DMD: variants seen among roughly 807,000 people sequenced by gnomAD.
The protein encoded by DMD is mutant dystrophin.
Under a neutral mutation model 330.1 loss-of-function variants are expected in DMD, and 63 were observed. The observed-to-expected ratio is 0.19, with a 90% CI of 0.16 to 0.24. The LOEUF (loss-of-function observed/expected upper bound fraction) is 0.24. DMD is among the 10% of genes least tolerant of loss of function. DMD has a pLI of 1.00. For synonymous variants in DMD, 1,223 were observed against 959.8 expected (o/e 1.27, Z -5.07); for missense variants, 3,344 against 2,684.1 (o/e 1.25, Z -5.43).
chrX:32,736,316 T>C (rs2068477504), intron 7 of DMD, among the ~76,000 whole-genome samples: 3 of 111,474 alleles, frequency 2.7e-5, no homozygotes, highest in Non-Finnish European at 3.8e-5. Context: ...TCACTGTTGG[T>C]GGGACTGTAA....
At position 32,553,575 on chromosome X, in the gene DMD, AT is replaced by A. The variant is rs1261094041; in HGVS notation, c.1993-8242del. Among the ~76,000 whole-genome samples, 4 of 110,045 alleles carry A rather than the reference AT, an allele frequency of 3.6e-5. No individual in the cohort carries two copies. The Admixed American group carries it at 3.8e-4, about 10-fold the overall frequency. ...TCTGAAGCAAAAATAAAAGTAAAAA[AT>A]AATATAGTATAATAATATTATGAGA... On this transcript the variant is annotated intron_variant, in intron 16 of 78. Transcript: ENST00000357033.
chrX:33,001,787 A>T (rs2147424853), intron 2 of DMD, among the ~76,000 whole-genome samples: 1 of 111,892 alleles, frequency 8.9e-6, no homozygotes, highest in Admixed American at 9.5e-5. Flanking sequence ...CAGTTTCAGT[A>T]CTTCTGACTT....
chrX:31,220,859 C>T (rs1233795515), intron 64 of DMD, among the ~76,000 whole-genome samples: 5 of 94,127 alleles, frequency 5.3e-5, no homozygotes, highest in African/African-American at 1.6e-4. Context: ...CAAATGAATT[C>T]GTAAACTTTC....
intron 1 of DMD, among the ~76,000 whole-genome samples, chrX:33,186,590 A>G (rs1184791046): frequency 9.0e-6 from 1 of 111,594 alleles, no homozygotes; most frequent in Non-Finnish European, 1.9e-5. Context: ...ATCTACCCCA[A>G]AGACTATCTT....
intron 44 of DMD, among the ~76,000 whole-genome samples, chrX:32,115,759 T>C (rs1206514643): frequency 8.9e-6 from 1 of 111,744 alleles, no homozygotes; most frequent in Non-Finnish European, 1.9e-5. Context: ...ATACTTTACA[T>C]CTAATTCATC....
chrX:32,215,635 G>A (rs1057293576), intron 44 of DMD, among the ~76,000 whole-genome samples: 2 of 111,268 alleles, frequency 1.8e-5, no homozygotes, highest in African/African-American at 6.5e-5. Context: ...ACTACCTTGG[G>A]TTGGATATCA....
rs1476951721 is a variant in DMD at position 31,396,485 on chromosome X, T to C, written c.9085-47851A>G. ...TACATAAATATGTGTGCACTTGTAC[T>C]GAGTAAAATAGAGACTGATCTCACC... is the stretch of plus-strand genomic sequence containing the variant. On this transcript the variant is annotated intron_variant, in intron 60 of 78. Coordinates refer to ENST00000357033, the MANE Select transcript of DMD (RefSeq NM_004006.3). Among the ~76,000 whole-genome samples the C allele has an allele frequency of 9.1e-5, 10 of 109,362 alleles. No homozygotes were observed. In the Admixed American group the frequency reaches 9.8e-4, roughly 11 times the overall value. 95.0% of individuals were successfully genotyped at this position (109,362 alleles called of 115,157 possible).
intron 48 of DMD, among the ~76,000 whole-genome samples, chrX:31,843,594 T>C (rs747682046): frequency 8.9e-6 from 1 of 111,945 alleles, no homozygotes; most frequent in Admixed American, 9.5e-5. Context: ...AAGTTCCCTA[T>C]AGATTATGGA....
chrX:31,133,959 T>G (rs1320534108), intron 77 of DMD, 143 bp downstream of exon 77: 14 of 527,591 alleles, frequency 2.7e-5, no homozygotes, highest in Non-Finnish European at 3.3e-6. Context: ...CACTTAAAAA[T>G]CAAATCTTTT....
chrX:32,259,464 A>G (rs1257307799), intron 43 of DMD, among the ~76,000 whole-genome samples: 1 of 111,416 alleles, frequency 9.0e-6, no homozygotes, highest in Non-Finnish European at 1.9e-5. Flanking sequence ...ATCATTCACA[A>G]ATAATATGAA....
At chrX:31,814,356 G>A (rs374109107) in intron 50 of DMD, among the ~76,000 whole-genome samples, 4 of 106,570 alleles carry the variant, frequency 3.8e-5, no homozygotes, top group African/African-American at 1.0e-4. Context: ...GGTGGCGGGC[G>A]CCTGTAGTCC....
chrX:33,191,157 A>G (rs1278948308), intron 1 of DMD, among the ~76,000 whole-genome samples: 1 of 101,202 alleles, frequency 9.9e-6, no homozygotes, highest in African/African-American at 3.5e-5. Context: ...TTTTGTTTGC[A>G]TTTTGTCTTT....
At chrX:32,801,471 A>T (rs755200741) in intron 7 of DMD, among the ~76,000 whole-genome samples, 1 of 111,032 alleles carries the variant, frequency 9.0e-6, no homozygotes, top group East Asian at 2.8e-4. Flanking sequence ...CTGCCTGTTC[A>T]CTCTGATGAT....
At chrX:32,472,764 A>G (rs993777878) in intron 21 of DMD, among the ~76,000 whole-genome samples, 1 of 111,083 alleles carries the variant, frequency 9.0e-6, no homozygotes, top group Non-Finnish European at 1.9e-5. Flanking sequence ...TTGATTTTTA[A>G]ATTATATCAT....
intron 52 of DMD, among the ~76,000 whole-genome samples, chrX:31,706,316 C>CA (rs372707608): frequency 5.0e-4 from 52 of 103,922 alleles, no homozygotes; most frequent in East Asian, 1.5e-3. Flanking sequence ...TTAAAATTTA[C>CA]AAAAAAAAAA....
At chrX:31,253,851 T>C (rs1046418916) in intron 63 of DMD, among the ~76,000 whole-genome samples, 1 of 111,885 alleles carries the variant, frequency 8.9e-6, no homozygotes, top group African/African-American at 3.2e-5. Flanking sequence ...CTTCAAATCT[T>C]ATGGTTTTTA....
At chrX:31,593,986 A>AT (rs1474217512) in intron 55 of DMD, among the ~76,000 whole-genome samples, 4 of 111,459 alleles carry the variant, frequency 3.6e-5, no homozygotes, top group Admixed American at 2.9e-4. Flanking sequence ...TGACTAAACG[A>AT]TTTTTTAATT....
chrX:31,426,659 G>A (rs1240216431), intron 60 of DMD, among the ~76,000 whole-genome samples: 2 of 111,663 alleles, frequency 1.8e-5, no homozygotes, highest in African/African-American at 6.5e-5. Flanking sequence ...GTTATCTGGT[G>A]GCCTCACCAA....
chrX:32,302,562 C>T (rs942124450), intron 42 of DMD, among the ~76,000 whole-genome samples: 11 of 111,100 alleles, frequency 9.9e-5, no homozygotes, highest in Non-Finnish European at 1.7e-4. Context: ...AATAACTTTA[C>T]GTATATTTTA....
Sources: allele counts gnomAD v4.1 joint callset (sites outside exome capture counted in the v4.1 genomes callset), GRCh38; gene constraint gnomAD v4.1.1; transcripts MANE v1.5; gene names NCBI Gene and HGNC (gene_info 2026-07-23, HGNC 2026-07-21).